PRKN: variants seen among roughly 807,000 people sequenced by gnomAD.
PRKN encodes the protein E3 ubiquitin-protein ligase parkin.
A neutral mutation model predicts 59.5 loss-of-function variants in PRKN; 56 were observed. That is an observed-to-expected ratio of 0.94 (90% CI 0.76 to 1.18). The LOEUF (loss-of-function observed/expected upper bound fraction) is 1.18. PRKN is among the 50% of genes most tolerant of loss of function. The probability of loss-of-function intolerance (pLI) is 0.00; values close to 1 mark genes in which losing one functional copy is unlikely to be tolerated. For missense variants in PRKN, 657 were observed against 596.4 expected, an observed-to-expected ratio of 1.10 and a Z score of -1.06; for synonymous variants, 250 against 222.1, an observed-to-expected ratio of 1.13 and a Z score of -1.12.
At chr6:161,663,961 C>T (rs1342062574) in intron 7 of PRKN, among the ~76,000 whole-genome samples, 2 of 152,142 alleles carry the variant, frequency 1.3e-5, no homozygotes, top group Non-Finnish European at 2.9e-5. Flanking sequence ...ACCCTGAGGT[C>T]AAAACAGTGC....
Position 161,525,427 on chromosome 6 carries a change from C to A in PRKN, c.1083+23427G>T, listed in dbSNP as rs1778982157. ...ATCTCTTCTCCCTGCACTCCAACAT[C>A]TTGCTTTCAGCTTTGCCCTCTAAAT... On this transcript the variant is annotated intron_variant, in intron 9 of 11. Coordinates refer to ENST00000366898, the MANE Select transcript of PRKN (RefSeq NM_004562.3). The surrounding 1 kb of genome is among the most constrained non-coding windows in gnomAD (Gnocchi z 4.7). 1.3e-5 allele frequency among the ~76,000 whole-genome samples: 2 copies of A among 152,164 alleles called. No homozygotes were observed. The highest frequency in any genetic ancestry group is 4.1e-4 in the South Asian group (2 of 4,830).
Position 161,957,123 on chromosome 6 carries a change from G to C in PRKN, c.734+16179C>G, listed in dbSNP as rs529715044. 3.9e-5 allele frequency among the ~76,000 whole-genome samples: 6 copies of C among 152,332 alleles called. No individual in the cohort carries two copies. The East Asian group carries it at 1.2e-3, about 29-fold the overall frequency. On this transcript the variant is annotated intron_variant, in intron 6 of 11. Transcript: ENST00000366898. Reference sequence around the variant, plus strand: ...CCTTCCTTACTGTCATACGTGTAAAGTCTTGCAGTAGGAGAGGATCTGAGA... The same window carrying C: ...CCTTCCTTACTGTCATACGTGTAAACTCTTGCAGTAGGAGAGGATCTGAGA...
intron 9 of PRKN, among the ~76,000 whole-genome samples, chr6:161,520,393 T>A (rs1238389313): frequency 6.6e-6 from 1 of 151,880 alleles, no homozygotes; most frequent in Non-Finnish European, 1.5e-5. Context: ...CCCGGCTAAT[T>A]TTTTTTGTAT....
rs1781323972 is a variant in PRKN at position 161,581,102 on chromosome 6, C to T, written c.872-11686G>A. ...AAATAGCCAGGCGTGGTGGCATGCCCTTGTAATCCCAGCTACTGGGGAGGT... is the reference window on the plus strand; with the variant it reads ...AAATAGCCAGGCGTGGTGGCATGCCTTTGTAATCCCAGCTACTGGGGAGGT... On this transcript the variant is annotated intron_variant, in intron 7 of 11. Coordinates refer to ENST00000366898, the MANE Select transcript of PRKN (RefSeq NM_004562.3). This position sits in a 1 kb window ranked among gnomAD's most constrained non-coding sequence, Gnocchi z 4.5. Among the ~76,000 whole-genome samples, 1 of 150,758 alleles carries T rather than the reference C, an allele frequency of 6.6e-6. No homozygotes were observed. The highest frequency in any genetic ancestry group is 1.5e-5 in the Non-Finnish European group (1 of 67,914).
intron 3 of PRKN, among the ~76,000 whole-genome samples, chr6:162,257,210 C>T (rs1023863941): frequency 6.6e-5 from 10 of 152,170 alleles, no homozygotes; most frequent in African/African-American, 1.9e-4. Flanking sequence ...GTGGCTCACA[C>T]CTGTAATCCC....
At chr6:162,574,058 G>A (rs1187348470) in intron 1 of PRKN, among the ~76,000 whole-genome samples, 1 of 152,168 alleles carries the variant, frequency 6.6e-6, no homozygotes, top group Non-Finnish European at 1.5e-5. Context: ...TCTTGTTCCA[G>A]TGGCTATCTT....
chr6:161,612,605 C>T (rs1291327882), intron 7 of PRKN, among the ~76,000 whole-genome samples: 1 of 150,776 alleles, frequency 6.6e-6, no homozygotes, highest in Non-Finnish European at 1.5e-5. Flanking sequence ...CCTGTAGTCC[C>T]AGCTACTCAG....
chr6:162,397,784 C>T (rs981296588), intron 2 of PRKN, among the ~76,000 whole-genome samples: 1 of 152,088 alleles, frequency 6.6e-6, no homozygotes, highest in African/African-American at 2.4e-5. Context: ...TGCCTGTAAT[C>T]CTAGCACTTT....
At chr6:161,653,996 T>G (rs1784245948) in intron 7 of PRKN, among the ~76,000 whole-genome samples, 1 of 121,374 alleles carries the variant, frequency 8.2e-6, no homozygotes, top group African/African-American at 4.6e-5. Flanking sequence ...GATAACTGAA[T>G]AAAATGCATT....
intron 7 of PRKN, among the ~76,000 whole-genome samples, chr6:161,634,857 GGAAGA>G (rs1248328919): frequency 3.9e-5 from 6 of 152,220 alleles, no homozygotes; most frequent in Non-Finnish European, 5.9e-5. Context: ...TTGAGAGAAA[GGAAGA>G]GAAGAGTTAA....
In PRKN at chr6:161,548,949, C is replaced by T. The variant is rs749768565; in HGVS notation, c.988G>A (p.Val330Met). The change falls in exon 9 of 12, where the codon GTG becomes ATG. Residue 330 changes from valine to methionine, a missense_variant. By Grantham distance (21) the Val-to-Met change is conservative. Transcript: ENST00000366898. The surrounding 1 kb of genome is among the most constrained non-coding windows in gnomAD (Gnocchi z 4.2). ...CCACAGCCAGGGCGGGGGCATAACACGCCCCCCATCTGCAGGACACACTCC... is the reference window on the plus strand; with the variant it reads ...CCACAGCCAGGGCGGGGGCATAACATGCCCCCCATCTGCAGGACACACTCC... ...AEECVLQMGG[V>M]LCPRPGCGAG... The T allele has an allele frequency of 2.2e-5, 36 of 1,613,770 alleles. No homozygotes were observed. The highest frequency in any genetic ancestry group is 1.3e-4 in the Admixed American group (8 of 60,006).
intron 1 of PRKN, among the ~76,000 whole-genome samples, chr6:162,635,600 TAA>T (rs1562456276): frequency 3.7e-4 from 57 of 152,026 alleles, no homozygotes; most frequent in African/African-American, 1.3e-3. Flanking sequence ...TTTATTATAA[TAA>T]TATTATTAAT....
chr6:161,799,683 G>A (rs1014533142), intron 6 of PRKN, among the ~76,000 whole-genome samples: 7 of 152,346 alleles, frequency 4.6e-5, no homozygotes, highest in African/African-American at 9.6e-5. Flanking sequence ...GAAGGGATAG[G>A]TATTAAGCAA....
At chr6:162,510,404 A>G (rs182572692) in intron 1 of PRKN, among the ~76,000 whole-genome samples, 1 of 152,232 alleles carries the variant, frequency 6.6e-6, no homozygotes, top group East Asian at 1.9e-4. Flanking sequence ...TGAGAGGGCG[A>G]CACTCCTAGG....
At chr6:162,025,613 C>T (rs767212591) in intron 5 of PRKN, among the ~76,000 whole-genome samples, 37 of 32,506 alleles carry the variant, frequency 1.1e-3, no homozygotes, top group Admixed American at 2.7e-3. Context: ...TTTTTTGAGA[C>T]GGAGTCACTC....
chr6:162,148,171 A>C (rs1022711936), intron 4 of PRKN, among the ~76,000 whole-genome samples: 3 of 152,220 alleles, frequency 2.0e-5, no homozygotes, highest in Non-Finnish European at 4.4e-5. Flanking sequence ...GCTATCCAAA[A>C]AAATTTATCT....
intron 1 of PRKN, among the ~76,000 whole-genome samples, chr6:162,584,344 C>T (rs938223421): frequency 2.0e-5 from 3 of 151,728 alleles, no homozygotes; most frequent in Non-Finnish European, 4.4e-5. Flanking sequence ...TAAAGTTATT[C>T]TTAACCAACA....
intron 5 of PRKN, among the ~76,000 whole-genome samples, chr6:162,032,409 G>A (rs1783676426): frequency 6.6e-6 from 1 of 152,156 alleles, no homozygotes; most frequent in African/African-American, 2.4e-5. Context: ...AGAGATGGGA[G>A]TGAAGGAGAG....
intron 9 of PRKN, among the ~76,000 whole-genome samples, chr6:161,491,967 T>C (rs1276576364): frequency 6.6e-6 from 1 of 152,152 alleles, no homozygotes; most frequent in East Asian, 1.9e-4. Flanking sequence ...TTTTTATCCT[T>C]TCTAAACAAG....
Sources: allele counts gnomAD v4.1 joint callset (sites outside exome capture counted in the v4.1 genomes callset), GRCh38; gene constraint gnomAD v4.1.1; non-coding constraint Gnocchi (gnomAD v3.1); transcripts MANE v1.5; gene names NCBI Gene and HGNC (gene_info 2026-07-23, HGNC 2026-07-21).